Variants in SLX4IP observed in about 807,000 individuals in gnomAD.
SLX4IP encodes SLX4 interacting protein.
SLX4IP carries 34 observed loss-of-function variants against 32.9 expected under a neutral mutation model. The observed-to-expected ratio is 1.03, with a 90% CI of 0.79 to 1.38. The LOEUF is 1.38. Ranked by LOEUF, SLX4IP falls within the 40% of genes most tolerant of loss-of-function variation. The pLI is 0.00. For missense variants in SLX4IP, 444 were observed against 479.0 expected, an observed-to-expected ratio of 0.93 and a Z score of 0.68; for synonymous variants, 172 against 171.7, an observed-to-expected ratio of 1.00 and a Z score of -0.01.
chr20:10,591,366 C>T (rs548405206), intron 4 of SLX4IP, among the ~76,000 whole-genome samples: 2 of 152,284 alleles, frequency 1.3e-5, no homozygotes, highest in South Asian at 4.1e-4. Context: ...TCCAGTGGTT[C>T]ATGAACTCTC....
intron 1 of SLX4IP, among the ~76,000 whole-genome samples, chr20:10,441,014 A>G (rs2065155919): frequency 2.6e-5 from 4 of 152,198 alleles, no homozygotes; most frequent in Admixed American, 2.6e-4. Flanking sequence ...CAGAGACTTA[A>G]AGGAGTTGAA....
chr20:10,536,334 C>T (rs2066043655), intron 2 of SLX4IP, among the ~76,000 whole-genome samples: 1 of 150,934 alleles, frequency 6.6e-6, no homozygotes, highest in African/African-American at 2.4e-5. Context: ...TTGAGGACAG[C>T]CTGAACAACA....
At chr20:10,538,505 A>T (rs2066069545) in intron 2 of SLX4IP, among the ~76,000 whole-genome samples, 1 of 151,576 alleles carries the variant, frequency 6.6e-6, no homozygotes, top group Non-Finnish European at 1.5e-5. Context: ...ACAGTTCTAG[A>T]TTCTTATTGA....
chr20:10,517,685 G>T (rs1025422772), intron 2 of SLX4IP, among the ~76,000 whole-genome samples: 20 of 152,150 alleles, frequency 1.3e-4, no homozygotes, highest in African/African-American at 4.6e-4. Context: ...AGTGAGGAGA[G>T]CATCTTGGGT....
chr20:10,616,438 T>C (rs534301932), intron 6 of SLX4IP, among the ~76,000 whole-genome samples: 12 of 150,216 alleles, frequency 8.0e-5, no homozygotes, highest in African/African-American at 1.7e-4. Context: ...AAATAAAATG[T>C]CAAGTCCCTT....
intron 1 of SLX4IP, among the ~76,000 whole-genome samples, chr20:10,457,708 C>T (rs971542856): frequency 2.6e-5 from 4 of 151,830 alleles, no homozygotes; most frequent in Admixed American, 2.6e-4. Flanking sequence ...ATGATACTGG[C>T]TTCAGAATTA....
chr20:10,560,637 A>G, intron 3 of SLX4IP, 63 bp from the exon 4 acceptor site: 1 of 1,227,158 alleles, frequency 8.1e-7, no homozygotes, highest in Non-Finnish European at 1.1e-6. Context: ...TAACTTTTTA[A>G]TATATATGTT....
At chr20:10,438,124 G>A (rs770590322) in intron 1 of SLX4IP, among the ~76,000 whole-genome samples, 2 of 152,078 alleles carry the variant, frequency 1.3e-5, no homozygotes, top group Non-Finnish European at 2.9e-5. Flanking sequence ...AATCACCAGG[G>A]GAAAGGTATT....
chr20:10,484,970 G>T (rs1256328748), intron 2 of SLX4IP, among the ~76,000 whole-genome samples: 2 of 152,028 alleles, frequency 1.3e-5, no homozygotes, highest in African/African-American at 4.8e-5. Context: ...TAGAAATGAA[G>T]ATGGCTTGAA....
chr20:10,584,140 A>G (rs915978178), intron 4 of SLX4IP, among the ~76,000 whole-genome samples: 3 of 152,176 alleles, frequency 2.0e-5, no homozygotes, highest in Non-Finnish European at 2.9e-5. Context: ...TTTTTCCCCT[A>G]TAAAAACGCA....
intron 2 of SLX4IP, among the ~76,000 whole-genome samples, chr20:10,493,144 T>C (rs576266326): frequency 7.6e-4 from 116 of 152,304 alleles, no homozygotes; most frequent in African/African-American, 2.7e-3. Context: ...TTCTACTTTT[T>C]TCTTTTTCAA....
intron 4 of SLX4IP, among the ~76,000 whole-genome samples, chr20:10,586,727 A>C (rs2066650185): frequency 6.6e-6 from 1 of 152,208 alleles, no homozygotes; most frequent in Non-Finnish European, 1.5e-5. Flanking sequence ...TAATGAAAAA[A>C]GACATAATTA....
chr20:10,472,716 A>G (rs1341466893), intron 2 of SLX4IP, among the ~76,000 whole-genome samples: 1 of 152,244 alleles, frequency 6.6e-6, no homozygotes, highest in Admixed American at 6.5e-5. Context: ...TTAATTAAAT[A>G]GGATTAATGT....
intron 1 of SLX4IP, among the ~76,000 whole-genome samples, chr20:10,456,948 A>C (rs2065289980): frequency 6.6e-6 from 1 of 152,154 alleles, no homozygotes; most frequent in African/African-American, 2.4e-5. Flanking sequence ...TACTTTTGCT[A>C]TGCTTATTCC....
At chr20:10,509,934 C>T (rs976543296) in intron 2 of SLX4IP, among the ~76,000 whole-genome samples, 3 of 152,104 alleles carry the variant, frequency 2.0e-5, no homozygotes, top group African/African-American at 7.2e-5. Context: ...GCCTCGGCCT[C>T]CCAAATTGCT....
At chr20:10,512,067 C>T (rs1695079997) in intron 2 of SLX4IP, among the ~76,000 whole-genome samples, 1 of 152,078 alleles carries the variant, frequency 6.6e-6, no homozygotes, top group Non-Finnish European at 1.5e-5. Flanking sequence ...TGTAAATAGC[C>T]AAATAATACA....
intron 2 of SLX4IP, among the ~76,000 whole-genome samples, chr20:10,551,170 T>C (rs900327269): frequency 6.6e-6 from 1 of 152,230 alleles, no homozygotes; most frequent in Non-Finnish European, 1.5e-5. Flanking sequence ...TAGTGTGAGT[T>C]GCACCTCTGG....
chr20:10,622,640 T>C lies in SLX4IP; in HGVS notation c.507-19T>C. The C allele has an allele frequency of 6.3e-7, 1 of 1,588,050 alleles. No homozygotes were observed. Among genetic ancestry groups the C allele is most frequent in the Non-Finnish European group, 8.5e-7 (1 of 1,169,680 alleles). ...AGTGACAGCTTTACAAACCATAAAA[T>C]CATTTTTGTTTGTTTCAGTGTGAAA... On this transcript the variant is annotated intron_variant, in intron 7 of 7. Transcript: ENST00000334534.
At chr20:10,608,252 C>T (rs2066926728) in intron 6 of SLX4IP, among the ~76,000 whole-genome samples, 1 of 152,200 alleles carries the variant, frequency 6.6e-6, no homozygotes. Context: ...TGACCTTACA[C>T]AAGTCATCTG....
Sources: gnomAD v4.1 joint callset for allele counts (sites outside exome capture counted in the v4.1 genomes callset) on GRCh38, gnomAD v4.1.1 for gene constraint, MANE v1.5 for transcripts, NCBI Gene and HGNC (gene_info 2026-07-23, HGNC 2026-07-21) for gene names.